ARHGAP40: variants seen among roughly 807,000 people sequenced by gnomAD.
ARHGAP40 encodes Rho GTPase activating protein 40.
Under a neutral mutation model 73.5 loss-of-function variants are expected in ARHGAP40, and 43 were observed. The observed-to-expected ratio is 0.58, with a 90% CI of 0.46 to 0.75. ARHGAP40 has a LOEUF of 0.75. Among genes scored for constraint, ARHGAP40 ranks in the 30% least tolerant of loss-of-function variants. The pLI is 0.00. For missense variants in ARHGAP40, 734 were observed against 861.8 expected (o/e 0.85, Z 1.86); for synonymous variants, 300 against 352.8 (o/e 0.85, Z 1.68).
rs1419100885 is a variant in ARHGAP40, at chr20:38,646,980, G to T, written c.1734G>T (p.Gln578His). ...AGACTCCCAAGGTGGCAAAGATCCA[G>T]GTGGTCTGGCCTATCAAGGACCCCT... Residue 578 changes from glutamine (Q) to histidine (H), a missense_variant, in exon 13 of 15, where the codon CAG becomes CAT. Gln to His is a conservative substitution (Grantham distance 24). Coordinates refer to ENST00000373345, the Ensembl canonical transcript of ARHGAP40. This position sits in a 1 kb window ranked among gnomAD's most constrained non-coding sequence, Gnocchi z 4.5. The T allele has an allele frequency of 2.3e-6, 3 of 1,305,408 alleles. No homozygotes were observed. In the East Asian group the frequency reaches 1.7e-4, roughly 72 times the overall value. 80.9% of individuals were successfully genotyped at this position (1,305,408 alleles called of 1,614,324 possible).
intron 1 of ARHGAP40, among the ~76,000 whole-genome samples, chr20:38,613,234 C>T (rs1302898182): frequency 6.6e-6 from 1 of 152,126 alleles, no homozygotes; most frequent in Non-Finnish European, 1.5e-5. Flanking sequence ...AGATCCTGAT[C>T]TTCTGTTGGG....
At chr20:38,618,299 G>A (rs6064768) in intron 1 of ARHGAP40, among the ~76,000 whole-genome samples, 20,597 of 151,830 alleles carry the variant, frequency 0.14, 1,469 homozygotes, top group South Asian at 0.24. Flanking sequence ...CAAAAGAGAC[G>A]GGGTTCACCA....
intron 5 of ARHGAP40, among the ~76,000 whole-genome samples, chr20:38,633,826 AG>A (rs1398385056): frequency 6.6e-6 from 1 of 152,154 alleles, no homozygotes; most frequent in African/African-American, 2.4e-5. Context: ...GGCACGGTTG[AG>A]CATTCTTTAT....
intron 6 of ARHGAP40, among the ~76,000 whole-genome samples, chr20:38,636,804 G>T (rs6070846): frequency 0.24 from 36,723 of 152,038 alleles, 4,705 homozygotes; most frequent in Non-Finnish European, 0.29. Flanking sequence ...TTTCACTGCA[G>T]CATTGTCAAC....
intron 1 of ARHGAP40, chr20:38,614,774 CAAT>C (rs1416346272): frequency 4.8e-6 from 3 of 622,136 alleles, no homozygotes; most frequent in Non-Finnish European, 8.6e-6. Flanking sequence ...GCTTCTCCAA[CAAT>C]GTCATGAATC....
At chr20:38,642,266 C>T (rs1260531994) in intron 10 of ARHGAP40, among the ~76,000 whole-genome samples, 1 of 152,138 alleles carries the variant, frequency 6.6e-6, no homozygotes, top group Admixed American at 6.5e-5. Flanking sequence ...CCATGCAGAA[C>T]CAGTTTGGGA....
chr20:38,640,733 C>T (rs1392964867), intron 9 of ARHGAP40, among the ~76,000 whole-genome samples: 1 of 152,098 alleles, frequency 6.6e-6, no homozygotes, highest in Non-Finnish European at 1.5e-5. Context: ...CTTTCCTTCC[C>T]TGGGGCCTCT....
rs1024486002 is a variant in ARHGAP40, at chr20:38,641,808, G to T, written c.1362G>T (p.Lys454Asn). ...CAGAACCCAACAGAAATGCCTTAAA[G>T]GTAAGAGTTACCATGCACCACCACC... The change falls in exon 10 of 15, where the codon AAG becomes AAT. Residue 454 changes from lysine (K) to asparagine (N), a missense_variant and splice_region_variant. By Grantham distance (94) the Lys-to-Asn change is moderately conservative (BLOSUM62 0). Coordinates refer to ENST00000373345, the Ensembl canonical transcript of ARHGAP40. 16 of 1,288,604 alleles carry T rather than the reference G, an allele frequency of 1.2e-5. No individual in the cohort carries two copies. The Admixed American group carries it at 2.5e-4, about 20-fold the overall frequency. 79.8% of individuals were successfully genotyped at this position (1,288,604 alleles called of 1,614,324 possible). A position where few individuals can be genotyped will look rare whatever the true frequency, so the allele number is the denominator to read the frequency against.
chr20:38,629,618 G>C, exon 5 of ARHGAP40: 1 of 1,305,442 alleles, frequency 7.7e-7, no homozygotes, highest in Non-Finnish European at 1.0e-6. Flanking sequence ...ATCCCGGGGA[G>C]GCACCTCTGC....
chr20:38,606,495 A>C (rs1883784), intron 1 of ARHGAP40, among the ~76,000 whole-genome samples: 2 of 152,110 alleles, frequency 1.3e-5, no homozygotes, highest in Middle Eastern at 3.4e-3. Context: ...ATTATTGTTC[A>C]TTTTTAGTCT....
rs866352367 is a variant in ARHGAP40 at position 38,639,327 on chromosome 20, G to A, written c.1220G>A (p.Arg407Gln). Residue 407 changes from arginine (R) to glutamine (Q), a missense_variant, in exon 9 of 15, where the codon CGG (arginine) becomes CAG (glutamine). Physicochemically the swap from Arg to Gln is conservative, Grantham distance 43 (BLOSUM62 1). Coordinates refer to ENST00000373345, the Ensembl canonical transcript of ARHGAP40. ...TCTGATTTGCTCAAAAGGTTCATCCGGAAGCTGCCGACACCTTTGCTCACG... is the reference window on the plus strand; with the variant it reads ...TCTGATTTGCTCAAAAGGTTCATCCAGAAGCTGCCGACACCTTTGCTCACG... The A allele has an allele frequency of 1.2e-5, 16 of 1,305,502 alleles. No homozygotes were observed. The highest frequency in any genetic ancestry group is 4.9e-5 in the South Asian group (4 of 81,034). 80.9% of individuals were successfully genotyped at this position (1,305,502 alleles called of 1,614,324 possible).
intron 5 of ARHGAP40, among the ~76,000 whole-genome samples, chr20:38,631,465 CAAGAG>C (rs927113936): frequency 2.6e-5 from 4 of 152,120 alleles, no homozygotes; most frequent in African/African-American, 9.7e-5. Flanking sequence ...TGGCAGCAGA[CAAGAG>C]AAGAGAGCTT....
At chr20:38,632,982 G>T (rs142731379) in intron 5 of ARHGAP40, among the ~76,000 whole-genome samples, 4,178 of 152,260 alleles carry the variant, frequency 0.027, 209 homozygotes, top group African/African-American at 0.096. Flanking sequence ...AGTTAGCTGG[G>T]TGTGGTGGTA....
intron 9 of ARHGAP40, among the ~76,000 whole-genome samples, chr20:38,641,150 C>G (rs1023490996): frequency 1.3e-5 from 2 of 152,020 alleles, no homozygotes; most frequent in Non-Finnish European, 2.9e-5. Flanking sequence ...GGCCTGGCGC[C>G]CAGGGTGCTC....
At chr20:38,615,227 G>A in intron 1 of ARHGAP40, 2 of 776,484 alleles carry the variant, frequency 2.6e-6, no homozygotes, top group Non-Finnish European at 2.4e-6. Context: ...AGGTAAAAAA[G>A]TTTCTTCCTT....
intron 1 of ARHGAP40, among the ~76,000 whole-genome samples, chr20:38,611,229 C>T (rs1300441318): frequency 1.3e-5 from 2 of 151,930 alleles, no homozygotes; most frequent in Non-Finnish European, 2.9e-5. Context: ...AGATGCTGTG[C>T]CTAAACTACA....
At chr20:38,601,861 A>G in exon 1 of ARHGAP40, 1 of 1,275,090 alleles carries the variant, frequency 7.8e-7, no homozygotes, top group Non-Finnish European at 1.0e-6. Context: ...GCCCTACCTC[A>G]CTCCTCCCTC....
intron 6 of ARHGAP40, among the ~76,000 whole-genome samples, chr20:38,635,962 C>T (rs926608904): frequency 6.6e-6 from 1 of 151,934 alleles, no homozygotes; most frequent in Non-Finnish European, 1.5e-5. Flanking sequence ...ACAGGTCTCT[C>T]ATCCTCCTGG....
intron 1 of ARHGAP40, chr20:38,615,566 A>T (rs969019638): frequency 3.7e-6 from 2 of 541,726 alleles, no homozygotes; most frequent in African/African-American, 1.9e-5. Context: ...TTTCCCCGAG[A>T]TTGCCTTTCA....
Sources: allele counts gnomAD v4.1 joint callset (sites outside exome capture counted in the v4.1 genomes callset), GRCh38; gene constraint gnomAD v4.1.1; non-coding constraint Gnocchi (gnomAD v3.1); transcripts MANE v1.5; gene names NCBI Gene and HGNC (gene_info 2026-07-23, HGNC 2026-07-21).